The following ST18 variants were observed in gnomAD, a reference collection of about 807,000 sequenced individuals.
ST18 encodes the protein suppression of tumorigenicity 18 protein.
In ST18, 50 loss-of-function variants were observed where a neutral mutation model predicts 110.0. That is an observed-to-expected ratio of 0.45 (90% confidence interval 0.36 to 0.58). The LOEUF (loss-of-function observed/expected upper bound fraction) is 0.58. ST18 is among the 20% of genes least tolerant of loss of function. The pLI is 0.00. For missense variants in ST18, 1,306 were observed against 1,280.1 expected (o/e 1.02, Z -0.31); for synonymous variants, 461 against 452.4 (o/e 1.02, Z -0.24).
At chr8:52,157,513 C>T (rs1307316519) in intron 15 of ST18, among the ~76,000 whole-genome samples, 1 of 152,024 alleles carries the variant, frequency 6.6e-6, no homozygotes, top group Admixed American at 6.6e-5. Flanking sequence ...GGAATTTATT[C>T]AGATTAAAAA....
intron 17 of ST18, among the ~76,000 whole-genome samples, chr8:52,141,343 G>C (rs2054956689): frequency 6.6e-6 from 1 of 152,172 alleles, no homozygotes; most frequent in Non-Finnish European, 1.5e-5. Flanking sequence ...ATGTAGGTGG[G>C]GAAATAAGAG....
At chr8:52,232,261 T>A (rs1263038258) in intron 2 of ST18, among the ~76,000 whole-genome samples, 6 of 152,212 alleles carry the variant, frequency 3.9e-5, no homozygotes, top group Non-Finnish European at 8.8e-5. Flanking sequence ...GAACTTGATC[T>A]TCCCTTCAGA....
At chr8:52,371,233 C>T (rs1046045997) in intron 2 of ST18, among the ~76,000 whole-genome samples, 3 of 152,150 alleles carry the variant, frequency 2.0e-5, no homozygotes, top group African/African-American at 4.8e-5. Context: ...AAAACAAAGG[C>T]GAATAATGTA....
At chr8:52,336,761 G>T (rs1181464336) in intron 2 of ST18, among the ~76,000 whole-genome samples, 1 of 152,112 alleles carries the variant, frequency 6.6e-6, no homozygotes, top group Non-Finnish European at 1.5e-5. Context: ...ACTGGAATTG[G>T]GCAAGGAGCC....
At chr8:52,343,446 C>A (rs1370513313) in intron 2 of ST18, among the ~76,000 whole-genome samples, 1 of 152,170 alleles carries the variant, frequency 6.6e-6, no homozygotes, top group Non-Finnish European at 1.5e-5. Context: ...ACGTTTCTGT[C>A]ATTAAAGCTT....
chr8:52,203,883 G>A (rs1310615918), intron 8 of ST18, among the ~76,000 whole-genome samples: 2 of 152,188 alleles, frequency 1.3e-5, no homozygotes, highest in Non-Finnish European at 2.9e-5. Flanking sequence ...AGCTGCAAGG[G>A]AGCTGTGTGA....
chr8:52,329,342 A>G (rs1235633770), intron 2 of ST18, among the ~76,000 whole-genome samples: 2 of 151,476 alleles, frequency 1.3e-5, no homozygotes, highest in Non-Finnish European at 1.5e-5. Flanking sequence ...AAGATTTCTT[A>G]CTTCCTGTGA....
intron 2 of ST18, among the ~76,000 whole-genome samples, chr8:52,393,234 G>A (rs1300527993): frequency 1.3e-5 from 2 of 152,142 alleles, no homozygotes; most frequent in Non-Finnish European, 2.9e-5. Context: ...CTCAAAATAG[G>A]AAAGTGTTAT....
intron 2 of ST18, among the ~76,000 whole-genome samples, chr8:52,395,508 G>A (rs1041609516): frequency 1.3e-4 from 20 of 152,180 alleles, no homozygotes; most frequent in Non-Finnish European, 2.9e-4. Flanking sequence ...AATCTCATGG[G>A]GAGAGCTGGA....
At chr8:52,168,107 C>A (rs965783244) in intron 10 of ST18, among the ~76,000 whole-genome samples, 1 of 151,072 alleles carries the variant, frequency 6.6e-6, no homozygotes, top group Non-Finnish European at 1.5e-5. Context: ...ATAACACCAA[C>A]CATGGGGAGA....
At chr8:52,385,933 G>A (rs184522366) in intron 2 of ST18, among the ~76,000 whole-genome samples, 30 of 152,252 alleles carry the variant, frequency 2.0e-4, no homozygotes, top group Non-Finnish European at 4.0e-4. Context: ...GTGTCCTAGG[G>A]AAGGGCCCTC....
intron 5 of ST18, among the ~76,000 whole-genome samples, chr8:52,219,494 A>G (rs900855936): frequency 2.6e-5 from 4 of 152,174 alleles, no homozygotes; most frequent in African/African-American, 9.7e-5. Context: ...CTTGATTTCA[A>G]TGCTCTGTTC....
In ST18 at chr8:52,171,281, T is replaced by C. The variant is rs1346752516; in HGVS notation, c.1069+511A>G. ...TCCTCAAAGCACACCTACTCTCTCA[T>C]TCAAATTTGTCCCAGAGATGTATGA... On this transcript the variant is annotated intron_variant, in intron 10 of 25. Transcript: ENST00000689386. 2.0e-5 allele frequency among the ~76,000 whole-genome samples: 3 copies of C among 152,154 alleles called. No individual in the cohort carries two copies. The South Asian group carries it at 6.2e-4, about 32-fold the overall frequency.
intron 9 of ST18, among the ~76,000 whole-genome samples, chr8:52,173,950 C>T (rs1221825578): frequency 6.6e-6 from 1 of 152,162 alleles, no homozygotes; most frequent in African/African-American, 2.4e-5. Flanking sequence ...AAAAATACAT[C>T]TCCATCATCT....
intron 2 of ST18, among the ~76,000 whole-genome samples, chr8:52,366,396 C>T (rs1281042979): frequency 1.3e-5 from 2 of 152,346 alleles, no homozygotes; most frequent in African/African-American, 2.4e-5. Context: ...CAGGCTTCCC[C>T]TTGCCCCAGG....
intron 2 of ST18, among the ~76,000 whole-genome samples, chr8:52,239,047 G>T (rs1429917515): frequency 6.6e-6 from 1 of 152,052 alleles, no homozygotes; most frequent in African/African-American, 2.4e-5. Context: ...CCGAAACATG[G>T]ATGAGCCTTG....
rs150247530 is a variant in ST18 at position 52,177,539 on chromosome 8, T to C, written c.277+2583A>G. ...CTCAGTGCTCTTTCCTCCTAGGGGGTGGGGGGTAACTTGTTCAGAGGGCTG... is the reference window on the plus strand; with the variant it reads ...CTCAGTGCTCTTTCCTCCTAGGGGGCGGGGGGTAACTTGTTCAGAGGGCTG... On this transcript the variant is annotated intron_variant, in intron 9 of 25. Coordinates refer to ENST00000689386, the MANE Select transcript of ST18 (RefSeq NM_001352837.2). Among the ~76,000 whole-genome samples the C allele has an allele frequency of 3.5e-3, 524 of 151,342 alleles. 3 individuals carry two copies. The highest frequency in any genetic ancestry group is 0.024 in the Middle Eastern group (7 of 294).
At chr8:52,330,615 T>C (rs1320880807) in intron 2 of ST18, among the ~76,000 whole-genome samples, 1 of 152,222 alleles carries the variant, frequency 6.6e-6, no homozygotes, top group Non-Finnish European at 1.5e-5. Flanking sequence ...AGGTTGGAGT[T>C]TATGCTGATA....
chr8:52,268,561 T>C (rs2094961242), intron 2 of ST18, among the ~76,000 whole-genome samples: 1 of 152,122 alleles, frequency 6.6e-6, no homozygotes, highest in Non-Finnish European at 1.5e-5. Flanking sequence ...TATCTATCTA[T>C]CATCTATCTA....
Sources: allele counts gnomAD v4.1 joint callset (sites outside exome capture counted in the v4.1 genomes callset), GRCh38; gene constraint gnomAD v4.1.1; transcripts MANE v1.5; gene names NCBI Gene and HGNC (gene_info 2026-07-23, HGNC 2026-07-21).